MME: variants seen among roughly 807,000 people sequenced by gnomAD.
MME encodes the protein membrane metalloendopeptidase.
Under a neutral mutation model 113.2 loss-of-function variants are expected in MME, and 98 were observed. The ratio of observed to expected loss-of-function variants is 0.87; its 90% CI spans 0.74 to 1.02. The LOEUF is 1.02. Among genes scored for constraint, MME ranks in the 50% least tolerant of loss-of-function variants. The pLI is 0.00. For synonymous variants in MME, 292 were observed against 300.6 expected (o/e 0.97, Z 0.30); for missense variants, 836 against 896.0 (o/e 0.93, Z 0.86).
chr3:155,182,151 A>G lies in MME; in HGVS notation c.*1692A>G, dbSNP rs200760191. 1 of 152,158 alleles carries G rather than the reference A, an allele frequency of 6.6e-6. No individual in the cohort carries two copies. Among genetic ancestry groups the G allele is most frequent in the African/African-American group, 2.4e-5 (1 of 41,446 alleles). 9.4% of individuals were successfully genotyped at this position (152,158 alleles called of 1,614,324 possible). ...CTAGCTTTGCCTGGTTTTGTCTTTT[A>G]TGCAGATAGAATCAATCAGTATGTA... is the stretch of plus-strand genomic sequence containing the variant. On this transcript the variant is annotated 3_prime_UTR_variant, in exon 23 of 23. Transcript: ENST00000360490.
intron 3 of MME, among the ~76,000 whole-genome samples, chr3:155,087,589 T>G (rs1715875858): frequency 6.6e-6 from 1 of 152,156 alleles, no homozygotes. Context: ...CTGTCCTGTT[T>G]CGGGAAACTT....
chr3:155,166,860 C>T lies in MME; in HGVS notation c.1661-42C>T. 2.5e-6 allele frequency: 4 copies of T among 1,612,850 alleles called. No homozygotes were observed. The South Asian group carries it at 3.3e-5, about 13-fold the overall frequency. On this transcript the variant is annotated intron_variant, in intron 17 of 22. Coordinates refer to ENST00000360490, the MANE Select transcript of MME (RefSeq NM_007289.4). ...TCTAAGAAAATAAAAATTTTAAAAA[C>T]TTATGCCACAAATAATCTCTAACTA...
chr3:155,069,772 A>G (rs1714494810), intron 1 of MME, among the ~76,000 whole-genome samples: 1 of 152,172 alleles, frequency 6.6e-6, no homozygotes, highest in Admixed American at 6.6e-5. Context: ...AAAAAGCAAT[A>G]CCATCAGATT....
chr3:155,085,606 A>T (rs1715630198), intron 3 of MME: 1 of 152,314 alleles, frequency 6.6e-6, no homozygotes, highest in African/African-American at 2.4e-5. Context: ...ATCTCGGCTG[A>T]CTGCAATCTC....
intron 7 of MME, 134 bp downstream of exon 7, chr3:155,117,120 G>T (rs1290181531): frequency 7.4e-6 from 5 of 674,268 alleles, no homozygotes; most frequent in Non-Finnish European, 1.1e-5. Flanking sequence ...GTATATCCAT[G>T]CTCTGTCCCT....
At chr3:155,039,675 T>A (rs1713243811) in intron 1 of MME, among the ~76,000 whole-genome samples, 1 of 152,102 alleles carries the variant, frequency 6.6e-6, no homozygotes, top group Non-Finnish European at 1.5e-5. Context: ...GTAAGAGAAT[T>A]CCTGGATTTT....
At chr3:155,150,109 T>G (rs1721814538) in intron 16 of MME, among the ~76,000 whole-genome samples, 1 of 152,200 alleles carries the variant, frequency 6.6e-6, no homozygotes, top group South Asian at 2.1e-4. Flanking sequence ...ATACTAAGAT[T>G]TAATAATTGT....
chr3:155,131,099 A>G (rs113391954), intron 8 of MME, among the ~76,000 whole-genome samples: 207 of 152,336 alleles, frequency 1.4e-3, no homozygotes, highest in African/African-American at 4.7e-3. Flanking sequence ...GGGTGATTCA[A>G]TTTGGCTTGC....
At chr3:155,134,228 C>A (rs1171467698) in intron 8 of MME, among the ~76,000 whole-genome samples, 2 of 151,770 alleles carry the variant, frequency 1.3e-5, no homozygotes, top group East Asian at 3.9e-4. Context: ...TATGAATGAC[C>A]CCATCACTGA....
chr3:155,046,878 AT>A (rs1713579155), intron 1 of MME, among the ~76,000 whole-genome samples: 3 of 152,232 alleles, frequency 2.0e-5, no homozygotes, highest in Admixed American at 2.0e-4. Context: ...AAGAAAAATA[AT>A]TTTTGTACAA....
chr3:155,179,484 G>A lies in MME; in HGVS notation c.2154-876G>A, dbSNP rs562903712. 2.6e-5 allele frequency among the ~76,000 whole-genome samples: 4 copies of A among 152,284 alleles called. No individual in the cohort carries two copies. In the South Asian group the frequency reaches 8.3e-4, roughly 32 times the overall value. ...CACACAGTAGTACACCTGCCACGTA[G>A]GGAGAATTCCATAAATCAAAATGGA... On this transcript the variant is annotated intron_variant, in intron 22 of 22. Transcript: ENST00000360490.
rs571758333 is a variant in MME, at chr3:155,027,096, G to A, written c.-11+2772G>A. Among the ~76,000 whole-genome samples the A allele has an allele frequency of 2.6e-5, 4 of 152,238 alleles. No homozygotes were observed. In the South Asian group the frequency reaches 8.3e-4, roughly 32 times the overall value. On this transcript the variant is annotated intron_variant, in intron 1 of 22. Coordinates refer to the MME transcript ENST00000492661. ...GCTTCTCTTTGCATTTCTAATATTTGTCAATATACTTAGACATTTCCAAAA... is the reference window on the plus strand; with the variant it reads ...GCTTCTCTTTGCATTTCTAATATTTATCAATATACTTAGACATTTCCAAAA...
chr3:155,131,462 T>G (rs1215638120), intron 8 of MME, among the ~76,000 whole-genome samples: 2 of 152,190 alleles, frequency 1.3e-5, no homozygotes, highest in African/African-American at 4.8e-5. Context: ...AAGGTTTCAC[T>G]CAGTTCAGTA....
At chr3:155,115,350 A>G (rs1469923247) in intron 4 of MME, among the ~76,000 whole-genome samples, 195 bp downstream of exon 4, 4 of 152,258 alleles carry the variant, frequency 2.6e-5, no homozygotes, top group Non-Finnish European at 5.9e-5. Flanking sequence ...ATCTCTTAGC[A>G]TTCCTGCTTT....
At chr3:155,125,157 TTC>T (rs1719517628) in intron 8 of MME, among the ~76,000 whole-genome samples, 2 of 147,462 alleles carry the variant, frequency 1.4e-5, no homozygotes, top group Admixed American at 6.9e-5. Context: ...AAGCGCAATA[TTC>T]GGGTGGGAGT....
chr3:155,143,232 C>T (rs1017752320), intron 12 of MME, among the ~76,000 whole-genome samples: 1 of 152,140 alleles, frequency 6.6e-6, no homozygotes, highest in South Asian at 2.1e-4. Context: ...TCTACTGGGG[C>T]ATCTACTGAA....
At chr3:155,052,190 T>C (rs1025987762) in intron 1 of MME, among the ~76,000 whole-genome samples, 1 of 152,208 alleles carries the variant, frequency 6.6e-6, no homozygotes, top group Non-Finnish European at 1.5e-5. Flanking sequence ...CCTGGCTGTT[T>C]TCACAAGCTG....
chr3:155,044,731 T>C (rs1339469109), intron 1 of MME, among the ~76,000 whole-genome samples: 1 of 152,216 alleles, frequency 6.6e-6, no homozygotes. Context: ...ATTCAACATC[T>C]ATTGGGTTGG....
intron 22 of MME, among the ~76,000 whole-genome samples, chr3:155,174,776 A>G (rs1392970129): frequency 6.6e-6 from 1 of 152,144 alleles, no homozygotes; most frequent in African/African-American, 2.4e-5. Context: ...GTACTTTAAA[A>G]TAAACTTTAG....
Sources: gnomAD v4.1 joint callset for allele counts (sites outside exome capture counted in the v4.1 genomes callset) on GRCh38, gnomAD v4.1.1 for gene constraint, MANE v1.5 for transcripts, NCBI Gene and HGNC (gene_info 2026-07-23, HGNC 2026-07-21) for gene names.